The following ASIC4 variants were observed in gnomAD, a reference collection of about 807,000 sequenced individuals.
ASIC4 encodes the protein acid-sensing ion channel 4.
ASIC4 carries 28 observed loss-of-function variants against 53.4 expected under a neutral mutation model. The observed-to-expected ratio is 0.52, with a 90% CI of 0.39 to 0.72. The LOEUF is 0.72. ASIC4 is among the 30% of genes least tolerant of loss of function. The probability of loss-of-function intolerance (pLI) is 0.00; values close to 1 mark genes in which losing one functional copy is unlikely to be tolerated. For synonymous variants in ASIC4, 289 were observed against 301.4 expected (o/e 0.96, Z 0.43); for missense variants, 649 against 729.7 (o/e 0.89, Z 1.27).
Position 219,537,258 on chromosome 2 carries a change from G to A in ASIC4, c.1338G>A (p.Gln446=). ...GCTTCCCAGGAGACCTCGGGGGACA[G>A]ATGGGCCTGTTCATTGGGGCCAGCA... ...LSALLGDLGG[Q]MGLFIGASIL... Residue 446 remains glutamine, a synonymous_variant, in exon 8 of 10, where the codon CAG becomes CAA. Transcript: ENST00000358078. The surrounding 1 kb of genome is among the most constrained non-coding windows in gnomAD (Gnocchi z 4.9). 1.2e-6 allele frequency: 2 copies of A among 1,613,866 alleles called. No individual in the cohort carries two copies. Among genetic ancestry groups the A allele is most frequent in the Non-Finnish European group, 1.7e-6 (2 of 1,179,912 alleles).
At chr2:219,529,117 C>A (rs1239848109) in intron 1 of ASIC4, among the ~76,000 whole-genome samples, 3 of 152,250 alleles carry the variant, frequency 2.0e-5, no homozygotes, top group African/African-American at 7.2e-5. Flanking sequence ...CAGTTGAATT[C>A]TCTGAGCCTC....
intron 1 of ASIC4, among the ~76,000 whole-genome samples, chr2:219,530,138 T>C (rs1262511901): frequency 6.7e-6 from 1 of 149,736 alleles, no homozygotes; most frequent in East Asian, 2.0e-4. Context: ...CGGGAGAGAG[T>C]GATTGAGTGC....
chr2:219,508,043 TG>T, the ASIC4 span, among the ~76,000 whole-genome samples: 1 of 152,138 alleles, frequency 6.6e-6, no homozygotes, highest in Non-Finnish European at 1.5e-5. Flanking sequence ...CTACACAGTG[TG>T]GGGTTTAGCA....
chr2:219,512,129 C>T (rs1372602861), upstream of ASIC4, among the ~76,000 whole-genome samples: 1 of 152,058 alleles, frequency 6.6e-6, no homozygotes, highest in African/African-American at 2.4e-5. Flanking sequence ...GGTGTGCATG[C>T]AGCTAATTGC....
the ASIC4 span, among the ~76,000 whole-genome samples, chr2:219,508,370 G>T: frequency 1.3e-5 from 2 of 152,190 alleles, no homozygotes; most frequent in African/African-American, 2.4e-5. Flanking sequence ...TCTGTGTCAG[G>T]CCCTGGCCCC....
chr2:219,507,606 G>C, the ASIC4 span, among the ~76,000 whole-genome samples: 1 of 152,126 alleles, frequency 6.6e-6, no homozygotes, highest in Non-Finnish European at 1.5e-5. Context: ...CCTGCCCTTT[G>C]GTAGGTCTCA....
rs375912777 is a variant in ASIC4 at position 219,537,684 on chromosome 2, G to A, written c.1454G>A (p.Arg485Gln). The change falls in exon 9 of 10, where the codon CGG (arginine) becomes CAG (glutamine). Residue 485 changes from arginine (R) to glutamine (Q), a missense_variant. Physicochemically the swap from Arg to Gln is conservative, Grantham distance 43. Transcript: ENST00000358078. The surrounding 1 kb of genome is among the most constrained non-coding windows in gnomAD (Gnocchi z 4.9). ...TGGAGGCGTCCCAAGACCCCCCTGC[G>A]GACCTCCACTGGGGGCATCTCCACT... ...RVWRRPKTPLRTSTGGISTLG... is the reference protein window; with the variant it reads ...RVWRRPKTPLQTSTGGISTLG... 31 of 1,614,082 alleles carry A rather than the reference G, an allele frequency of 1.9e-5. 1 individual carries two copies. The South Asian group carries it at 2.5e-4, about 13-fold the overall frequency.
upstream of ASIC4, chr2:219,514,287 G>C: frequency 6.8e-7 from 1 of 1,474,558 alleles, no homozygotes; most frequent in South Asian, 1.4e-5. Flanking sequence ...CCGTGCTGCC[G>C]GTGAAACGCT....
the ASIC4 span, among the ~76,000 whole-genome samples, chr2:219,508,332 T>C: frequency 2.0e-5 from 3 of 152,166 alleles, no homozygotes; most frequent in Non-Finnish European, 4.4e-5. Flanking sequence ...AATTATTTTC[T>C]CAGCAAAACA....
At chr2:219,512,239 G>T (rs1416615759), upstream of ASIC4, among the ~76,000 whole-genome samples, 2 of 152,248 alleles carry the variant, frequency 1.3e-5, no homozygotes, top group East Asian at 3.9e-4. Flanking sequence ...GAGGTTGAAG[G>T]CATCCTGCCT....
At chr2:219,513,037 C>A (rs1002562575), upstream of ASIC4, among the ~76,000 whole-genome samples, 1 of 152,336 alleles carries the variant, frequency 6.6e-6, no homozygotes, top group Middle Eastern at 3.4e-3. Flanking sequence ...CCAGGCCTGA[C>A]GCAGGGGGCG....
chr2:219,508,528 C>A, the ASIC4 span, among the ~76,000 whole-genome samples: 1 of 151,868 alleles, frequency 6.6e-6, no homozygotes, highest in African/African-American at 2.4e-5. Context: ...AACATGCCCC[C>A]GAGATTGAAG....
At position 219,532,035 on chromosome 2, in the gene ASIC4, G is replaced by T; in HGVS notation, c.762G>T (p.Gln254His). 4 of 1,614,236 alleles carry T rather than the reference G, an allele frequency of 2.5e-6. No homozygotes were observed. The highest frequency in any genetic ancestry group is 3.4e-6 in the Non-Finnish European group (4 of 1,180,044). Residue 254 changes from glutamine (Q) to histidine (H), a missense_variant, in exon 3 of 10, where the codon CAG becomes CAT. Coordinates refer to ENST00000358078, the MANE Select transcript of ASIC4 (RefSeq NM_018674.6). ...CGTTTGAGGCAGGTATTCGGGTGCA[G>T]ATCCACAGCCAGGAGGAGCCGCCCT... ...ETSFEAGIRV[Q>H]IHSQEEPPYI...
rs558548389 is a variant in ASIC4 at position 219,532,049 on chromosome 2, A to G, written c.776A>G (p.Glu259Gly). ...AGIRVQIHSQ[E>G]EPPYIHQLGF... Reference sequence around the variant, plus strand: ...ATTCGGGTGCAGATCCACAGCCAGGAGGAGCCGCCCTACATCCACCAGCTG... The same window carrying G: ...ATTCGGGTGCAGATCCACAGCCAGGGGGAGCCGCCCTACATCCACCAGCTG... Residue 259 changes from glutamate (E) to glycine (G), a missense_variant, in exon 3 of 10, where the codon GAG becomes GGG. Transcript: ENST00000358078. 1.5e-5 allele frequency: 24 copies of G among 1,614,212 alleles called. No homozygotes were observed. The highest frequency in any genetic ancestry group is 1.9e-5 in the Non-Finnish European group (22 of 1,180,030).
At position 219,537,944 on chromosome 2, in the gene ASIC4, G is replaced by A. The variant is rs766465097; in HGVS notation, c.1518G>A (p.Pro506=). The change falls in exon 10 of 10, where the codon CCG becomes CCA. Residue 506 remains proline, a synonymous_variant. Coordinates refer to ENST00000358078, the MANE Select transcript of ASIC4 (RefSeq NM_018674.6). The surrounding 1 kb of genome is among the most constrained non-coding windows in gnomAD (Gnocchi z 4.9). ...LQELKEQSPC[P]SRGRVEGGGV... ...TCTTTCTCCTGCAGAGTCCCTGCCCGAGCCGGGGCCGAGTGGAGGGTGGGG... is the reference window on the plus strand; with the variant it reads ...TCTTTCTCCTGCAGAGTCCCTGCCCAAGCCGGGGCCGAGTGGAGGGTGGGG... The A allele has an allele frequency of 3.3e-5, 53 of 1,609,512 alleles. No individual in the cohort carries two copies. In the South Asian group the frequency reaches 4.8e-4, roughly 14 times the overall value.
At chr2:219,510,964 G>T (rs1331506561), upstream of ASIC4, among the ~76,000 whole-genome samples, 1 of 151,830 alleles carries the variant, frequency 6.6e-6, no homozygotes, top group African/African-American at 2.4e-5. This position sits in a 1 kb window ranked among gnomAD's most constrained non-coding sequence, Gnocchi z 5.2. Flanking sequence ...GTTTGTCACC[G>T]CTGTGTGCTC....
upstream of ASIC4, chr2:219,514,374 CGT>C (rs1559452189): frequency 6.5e-7 from 1 of 1,545,720 alleles, no homozygotes; most frequent in African/African-American, 1.4e-5. Flanking sequence ...GGCTGCGCGG[CGT>C]GGCGGAGCAG....
At chr2:219,507,732 T>C in the ASIC4 span, among the ~76,000 whole-genome samples, 1 of 152,012 alleles carries the variant, frequency 6.6e-6, no homozygotes, top group Non-Finnish European at 1.5e-5. Flanking sequence ...CTGGTAATGA[T>C]CGTAATCTGC....
chr2:219,532,473 G>A lies in ASIC4; in HGVS notation c.1014G>A (p.Met338Ile), dbSNP rs771171953. The A allele has an allele frequency of 1.2e-6, 2 of 1,608,132 alleles. No individual in the cohort carries two copies. The highest frequency in any genetic ancestry group is 2.7e-5 in the African/African-American group (2 of 74,848). Residue 338 changes from methionine to isoleucine, a missense_variant, in exon 4 of 10, where the codon ATG becomes ATA. By Grantham distance (10) the Met-to-Ile change is conservative. Transcript: ENST00000358078. ...LQRCHCRMVH[M>I]PGNETICPPN... ...GCTGCCACTGCCGGATGGTGCACAT[G>A]CCAGGTGGGCACCCCACCCCCAGCC...
Sources: allele counts gnomAD v4.1 joint callset (sites outside exome capture counted in the v4.1 genomes callset), GRCh38; gene constraint gnomAD v4.1.1; non-coding constraint Gnocchi (gnomAD v3.1); transcripts MANE v1.5; gene names NCBI Gene and HGNC (gene_info 2026-07-23, HGNC 2026-07-21).